Variants in PSME3IP1 observed in about 807,000 individuals in gnomAD.
PSME3IP1 encodes proteasome activator subunit 3 interacting protein 1.
A neutral mutation model predicts 34.1 loss-of-function variants in PSME3IP1; 13 were observed. The observed-to-expected ratio is 0.38, with a 90% CI of 0.25 to 0.61. The LOEUF is 0.61. PSME3IP1 is among the 20% of genes least tolerant of loss of function. The pLI, the probability that PSME3IP1 is intolerant of heterozygous loss-of-function variation, is 0.60. For synonymous variants in PSME3IP1, 93 were observed against 114.3 expected (o/e 0.81, Z 1.19); for missense variants, 237 against 301.4 (o/e 0.79, Z 1.58).
chr16:57,171,476 G>A (rs1405945185), intron 4 of PSME3IP1, among the ~76,000 whole-genome samples: 2 of 152,208 alleles, frequency 1.3e-5, no homozygotes, highest in Non-Finnish European at 2.9e-5. Flanking sequence ...TCCCTTTCTT[G>A]TCTAAGGAAT....
At chr16:57,168,977 A>T (rs2072246401) in intron 4 of PSME3IP1, among the ~76,000 whole-genome samples, 1 of 152,098 alleles carries the variant, frequency 6.6e-6, no homozygotes, top group Admixed American at 6.5e-5. Context: ...AACACAACAA[A>T]AGCATGTATA....
intron 1 of PSME3IP1, among the ~76,000 whole-genome samples, chr16:57,182,241 A>G (rs2073782990): frequency 6.6e-6 from 1 of 152,056 alleles, no homozygotes; most frequent in South Asian, 2.1e-4. Context: ...ACAATATCAC[A>G]CTGGCCATGT....
rs1363586505 is a variant in PSME3IP1 at position 57,153,739 on chromosome 16, G to C, written c.*551C>G. On this transcript the variant is annotated 3_prime_UTR_variant, in exon 7 of 7. Transcript: ENST00000309137. Reference sequence around the variant, plus strand: ...GTGAAGTGACACCCCCAGCAGATGGGGTTTATCATCTTTACTTAGTCACAC... The same window carrying C: ...GTGAAGTGACACCCCCAGCAGATGGCGTTTATCATCTTTACTTAGTCACAC... The C allele has an allele frequency of 6.5e-6, 1 of 152,924 alleles. No individual in the cohort carries two copies. Among genetic ancestry groups the C allele is most frequent in the African/African-American group, 2.4e-5 (1 of 41,368 alleles). 9.5% of individuals were successfully genotyped at this position (152,924 alleles called of 1,614,324 possible).
Position 57,167,184 on chromosome 16 carries a change from C to T in PSME3IP1, c.391G>A (p.Glu131Lys). The part of the protein sequence containing the change: ...KVGISQENKK[E>K]VEKKLTVKPI... ...TTCACAGTCAGTTTCTTTTCCACTT[C>T]CTTCTTGTTCTCTTGAGAAATTCCA... Residue 131 changes from glutamate (E) to lysine (K), a missense_variant, in exon 5 of 7, where the codon GAA becomes AAA. Coordinates refer to ENST00000309137, the MANE Select transcript of PSME3IP1 (RefSeq NM_024946.4). 6.2e-7 allele frequency: 1 copy of T among 1,614,214 alleles called. No individual in the cohort carries two copies. Among genetic ancestry groups the T allele is most frequent in the African/African-American group, 1.3e-5 (1 of 75,066 alleles).
rs1485325739 is a variant in PSME3IP1 at position 57,172,831 on chromosome 16, C to G, written c.171G>C (p.Arg57Ser). The G allele has an allele frequency of 2.5e-6, 4 of 1,613,774 alleles. No homozygotes were observed. The South Asian group carries it at 4.4e-5, about 18-fold the overall frequency. The part of the protein sequence containing the change: ...EVYDPRSLYE[R>S]LQEQKDRKQQ... Reference sequence around the variant, plus strand: ...GCTTCCTGTCCTTCTGTTCCTGTAGCCTTTCATATAGAGATCGAGGGTCAT... The same window carrying G: ...GCTTCCTGTCCTTCTGTTCCTGTAGGCTTTCATATAGAGATCGAGGGTCAT... Residue 57 changes from arginine to serine, a missense_variant, in exon 3 of 7, where the codon AGG becomes AGC. Transcript: ENST00000309137.
At chr16:57,169,495 T>C (rs1253263215) in intron 4 of PSME3IP1, among the ~76,000 whole-genome samples, 12 of 152,204 alleles carry the variant, frequency 7.9e-5, no homozygotes, top group Admixed American at 7.9e-4. Flanking sequence ...GTCAGTGACT[T>C]GGAAGGCCTG....
chr16:57,156,232 T>A (rs1446157056), intron 6 of PSME3IP1, among the ~76,000 whole-genome samples: 9 of 152,142 alleles, frequency 5.9e-5, no homozygotes. Flanking sequence ...TAAACGTGAA[T>A]CAAAAGAGAA....
Position 57,167,101 on chromosome 16 carries a change from C to T in PSME3IP1, c.474G>A (p.Lys158=). The change falls in exon 5 of 7, where the codon AAG becomes AAA. Residue 158 remains lysine, a synonymous_variant. Transcript: ENST00000309137. ...TGTGAGTGCTGACTAACCTCTTATG[C>T]TTCACAGCTCCTGCCAACAGCTTCG... ...SQAKLLAGAV[K]HKSSESGNSV... is the part of the protein sequence containing the mutation. The T allele has an allele frequency of 6.2e-7, 1 of 1,613,548 alleles. No homozygotes were observed. The highest frequency in any genetic ancestry group is 1.7e-5 in the Admixed American group (1 of 60,026).
chr16:57,171,304 G>C (rs2072558960), intron 4 of PSME3IP1, among the ~76,000 whole-genome samples: 1 of 152,172 alleles, frequency 6.6e-6, no homozygotes, highest in Admixed American at 6.5e-5. Context: ...GTCAACATGA[G>C]AAAGAGTGGC....
intron 1 of PSME3IP1, chr16:57,185,535 G>A (rs1374634354): frequency 2.0e-6 from 2 of 985,398 alleles, no homozygotes; most frequent in Admixed American, 1.2e-4. Flanking sequence ...TGAAACCTGG[G>A]TGGCCCTACC....
chr16:57,173,867 A>G lies in PSME3IP1; in HGVS notation c.-13T>C. 6.2e-7 allele frequency: 1 copy of G among 1,606,902 alleles called. No homozygotes were observed. On this transcript the variant is annotated splice_region_variant and 5_prime_UTR_variant, in exon 2 of 7. Coordinates refer to ENST00000309137, the MANE Select transcript of PSME3IP1 (RefSeq NM_024946.4). ...CCCCTCCATCCATAATGAAACAACC[A>G]ATCTACAAAACAAAAACAAAAACAA...
chr16:57,178,539 A>T (rs2073407880), intron 1 of PSME3IP1: 2 of 985,226 alleles, frequency 2.0e-6, no homozygotes, highest in Non-Finnish European at 2.4e-6. Flanking sequence ...GAATCTGAGC[A>T]GGGAGGAATG....
At chr16:57,161,585 C>T (rs527395343) in intron 6 of PSME3IP1, among the ~76,000 whole-genome samples, 2 of 148,334 alleles carry the variant, frequency 1.3e-5, no homozygotes, top group Admixed American at 1.4e-4. Flanking sequence ...GATCTCTGCT[C>T]ACTGCAAGCT....
In PSME3IP1 at chr16:57,164,018, G is replaced by C; in HGVS notation, c.530C>G (p.Pro177Arg). Residue 177 changes from proline (P) to arginine (R), a missense_variant, in exon 6 of 7, where the codon CCA becomes CGA. Coordinates refer to ENST00000309137, the MANE Select transcript of PSME3IP1 (RefSeq NM_024946.4). ...CCACCCACCTTGATTCTTGTCATCT[G>C]GCTCAGGGTCCGGTTTCAGTCTTTT... ...SVKRLKPDPE[P>R]DDKNQEPSSC... The C allele has an allele frequency of 6.2e-7, 1 of 1,614,122 alleles. No homozygotes were observed. The highest frequency in any genetic ancestry group is 8.5e-7 in the Non-Finnish European group (1 of 1,180,012).
intron 1 of PSME3IP1, among the ~76,000 whole-genome samples, chr16:57,176,201 C>T (rs1237683523): frequency 1.3e-5 from 2 of 152,176 alleles, no homozygotes; most frequent in Admixed American, 6.5e-5. Flanking sequence ...GCAGAGAAAA[C>T]GTGAACTTTC....
intron 6 of PSME3IP1, among the ~76,000 whole-genome samples, chr16:57,158,452 G>T (rs2070826183): frequency 6.6e-6 from 1 of 152,168 alleles, no homozygotes; most frequent in Non-Finnish European, 1.5e-5. Context: ...GCCAGGCGTG[G>T]TGGCACACCC....
At chr16:57,170,763 T>C (rs2072473367) in intron 4 of PSME3IP1, among the ~76,000 whole-genome samples, 2 of 152,114 alleles carry the variant, frequency 1.3e-5, no homozygotes, top group African/African-American at 4.8e-5. Flanking sequence ...TTTCAGATAG[T>C]GACAAATCTA....
At chr16:57,163,129 C>T (rs2071459935) in intron 6 of PSME3IP1, among the ~76,000 whole-genome samples, 1 of 151,854 alleles carries the variant, frequency 6.6e-6, no homozygotes, top group African/African-American at 2.4e-5. Context: ...TGAGCCACTG[C>T]ACTCCAGCCT....
In PSME3IP1 at chr16:57,152,584, A is replaced by G. The variant is rs1013015624; in HGVS notation, c.*1706T>C. ...TGAGATACAGTAATGGCCTCTTAAG[A>G]GTCATGCCACATAAAGATGATGACT... On this transcript the variant is annotated 3_prime_UTR_variant, in exon 7 of 7. Transcript: ENST00000309137. 4.6e-5 allele frequency: 7 copies of G among 152,648 alleles called. No individual in the cohort carries two copies. Among genetic ancestry groups the G allele is most frequent in the African/African-American group, 1.7e-4 (7 of 41,460 alleles). 9.5% of individuals were successfully genotyped at this position (152,648 alleles called of 1,614,324 possible).
Sources: gnomAD v4.1 joint callset for allele counts (sites outside exome capture counted in the v4.1 genomes callset) on GRCh38, gnomAD v4.1.1 for gene constraint, MANE v1.5 for transcripts, NCBI Gene and HGNC (gene_info 2026-07-23, HGNC 2026-07-21) for gene names.